The following CSMD1 variants were observed in gnomAD, a reference collection of about 807,000 sequenced individuals.
CSMD1 encodes CUB and sushi domain-containing protein 1.
In CSMD1, 213 loss-of-function variants were observed where a neutral mutation model predicts 417.5. The ratio of observed to expected loss-of-function variants is 0.51; its 90% CI spans 0.46 to 0.57. The LOEUF is 0.57. CSMD1 is among the 20% of genes least tolerant of loss of function. CSMD1 has a pLI of 0.00. For synonymous variants in CSMD1, 2,862 were observed against 1,736.8 expected (o/e 1.65, Z -16.11); for missense variants, 6,923 against 4,529.7 (o/e 1.53, Z -15.17).
chr8:3,733,850 G>T (rs1217020859), intron 6 of CSMD1, among the ~76,000 whole-genome samples: 1 of 152,118 alleles, frequency 6.6e-6, no homozygotes, highest in Admixed American at 6.5e-5. Context: ...TCTCATATGT[G>T]CCCCGTTTAT....
intron 25 of CSMD1, among the ~76,000 whole-genome samples, chr8:3,294,498 T>C (rs527544751): frequency 2.6e-5 from 4 of 152,298 alleles, no homozygotes; most frequent in South Asian, 2.1e-4. Context: ...GCCGTTTTTT[T>C]AGTCATTCAA....
chr8:3,543,732 G>C (rs928722040), intron 10 of CSMD1, among the ~76,000 whole-genome samples: 1 of 152,194 alleles, frequency 6.6e-6, no homozygotes, highest in Non-Finnish European at 1.5e-5. Flanking sequence ...TAGACATGCT[G>C]TGTTTGAGAT....
At chr8:3,676,180 T>C (rs575591743) in intron 7 of CSMD1, among the ~76,000 whole-genome samples, 2 of 152,348 alleles carry the variant, frequency 1.3e-5, no homozygotes, top group Admixed American at 6.5e-5. Context: ...AATTTTATAG[T>C]CTTCTCCTCG....
intron 1 of CSMD1, among the ~76,000 whole-genome samples, chr8:4,644,491 C>A (rs1474812451): frequency 6.6e-6 from 1 of 152,156 alleles, no homozygotes; most frequent in Non-Finnish European, 1.5e-5. Flanking sequence ...ACTGCAGCCT[C>A]CACCTCCCAG....
At chr8:4,219,942 T>TTA (rs1563293241) in intron 3 of CSMD1, among the ~76,000 whole-genome samples, 2 of 152,140 alleles carry the variant, frequency 1.3e-5, no homozygotes, top group African/African-American at 4.8e-5. Context: ...GATAATTTTT[T>TTA]AAAAATTTTT....
chr8:3,125,018 A>G (rs1184664190), intron 41 of CSMD1, among the ~76,000 whole-genome samples: 1 of 152,200 alleles, frequency 6.6e-6, no homozygotes, highest in Non-Finnish European at 1.5e-5. Context: ...TTAAATATTA[A>G]TACCGATATT....
At chr8:3,651,130 T>G (rs1797831975) in intron 7 of CSMD1, among the ~76,000 whole-genome samples, 1 of 152,218 alleles carries the variant, frequency 6.6e-6, no homozygotes, top group Non-Finnish European at 1.5e-5. Flanking sequence ...TTGTCTTGAT[T>G]ACAGCAGTAG....
intron 10 of CSMD1, among the ~76,000 whole-genome samples, chr8:3,537,085 C>T (rs1262352474): frequency 1.3e-5 from 2 of 152,086 alleles, no homozygotes; most frequent in Non-Finnish European, 2.9e-5. Context: ...CTCACTGCCA[C>T]CTCCGCCTCC....
intron 4 of CSMD1, among the ~76,000 whole-genome samples, chr8:4,008,248 A>G (rs559974216): frequency 6.6e-6 from 1 of 152,304 alleles, no homozygotes; most frequent in African/African-American, 2.4e-5. Context: ...TAAAAACCAC[A>G]TATAAAATAT....
At chr8:3,403,113 C>T (rs1486791447) in intron 15 of CSMD1, among the ~76,000 whole-genome samples, 1 of 152,134 alleles carries the variant, frequency 6.6e-6, no homozygotes, top group Admixed American at 6.5e-5. Context: ...TGGAATATTA[C>T]AGGGCATGAG....
Position 3,775,576 on chromosome 8 carries a change from T to C in CSMD1, c.819-21534A>G, listed in dbSNP as rs568575955. Among the ~76,000 whole-genome samples the C allele has an allele frequency of 7.6e-4, 116 of 152,328 alleles. 1 individual carries two copies. The Middle Eastern group carries it at 0.027, about 36-fold the overall frequency. On this transcript the variant is annotated intron_variant, in intron 5 of 69. Coordinates refer to ENST00000635120, the MANE Select transcript of CSMD1 (RefSeq NM_033225.6). ...GAGCGCAACTTCAAATGATCTCCAG[T>C]GTGGACTCATGTGCTCTTGTCAGTA...
intron 3 of CSMD1, among the ~76,000 whole-genome samples, chr8:4,154,697 A>C (rs374891302): frequency 6.6e-6 from 1 of 152,224 alleles, no homozygotes; most frequent in Non-Finnish European, 1.5e-5. Context: ...TTAAAAACGT[A>C]CAAGGAAAAA....
chr8:4,103,455 C>A (rs1033455571), intron 3 of CSMD1, among the ~76,000 whole-genome samples: 6 of 150,790 alleles, frequency 4.0e-5, no homozygotes, highest in African/African-American at 1.5e-4. Flanking sequence ...ACCATAACAT[C>A]CACATGATTA....
At chr8:4,801,833 G>C (rs920031089) in intron 1 of CSMD1, among the ~76,000 whole-genome samples, 3 of 152,148 alleles carry the variant, frequency 2.0e-5, no homozygotes. Context: ...AAATGACAAA[G>C]GATAGAATTA....
At chr8:4,519,920 AGTGTGTGTGTGTGTGCGT>A (rs1409883829) in intron 2 of CSMD1, among the ~76,000 whole-genome samples, 4 of 141,440 alleles carry the variant, frequency 2.8e-5, no homozygotes, top group African/African-American at 1.0e-4. Flanking sequence ...TACATTATGT[AGTGTGTGTGTGTGTGCGT>A]GTGTGTGTGT....
chr8:3,147,180 A>G (rs1166561818), intron 40 of CSMD1, among the ~76,000 whole-genome samples: 1 of 152,184 alleles, frequency 6.6e-6, no homozygotes, highest in African/African-American at 2.4e-5. Flanking sequence ...AAGCCTAGAA[A>G]TTACATTTAA....
intron 49 of CSMD1, 74 bp from the exon 50 acceptor site, chr8:3,052,721 T>A (rs1811941033): frequency 9.7e-7 from 1 of 1,028,008 alleles, no homozygotes. Context: ...CATTGATTGA[T>A]TAATCATTAT....
intron 12 of CSMD1, among the ~76,000 whole-genome samples, chr8:3,433,663 GA>G (rs1189856747): frequency 2.6e-5 from 4 of 152,188 alleles, no homozygotes; most frequent in Non-Finnish European, 5.9e-5. Context: ...CAACATTGGT[GA>G]GATGCTTCTC....
chr8:3,948,548 G>A (rs1474268622), intron 5 of CSMD1, among the ~76,000 whole-genome samples: 1 of 151,970 alleles, frequency 6.6e-6, no homozygotes, highest in Non-Finnish European at 1.5e-5. Context: ...ATATTTGGTT[G>A]CTGGACAAAG....
Sources: allele counts gnomAD v4.1 joint callset (sites outside exome capture counted in the v4.1 genomes callset), GRCh38; gene constraint gnomAD v4.1.1; transcripts MANE v1.5; gene names NCBI Gene and HGNC (gene_info 2026-07-23, HGNC 2026-07-21).